Variants in ZBTB20 observed in about 807,000 individuals in gnomAD.
The protein encoded by ZBTB20 is zinc finger and BTB domain-containing protein 20.
Under a neutral mutation model 56.9 loss-of-function variants are expected in ZBTB20, and 9 were observed. The observed-to-expected ratio is 0.16, with a 90% CI of 0.10 to 0.28. The LOEUF (loss-of-function observed/expected upper bound fraction) is 0.28. ZBTB20 is among the 10% of genes least tolerant of loss of function. The pLI, the probability that ZBTB20 is intolerant of heterozygous loss-of-function variation, is 1.00. For missense variants in ZBTB20, 655 were observed against 1,003.0 expected (o/e 0.65, Z 4.69); for synonymous variants, 417 against 420.7 (o/e 0.99, Z 0.11).
At position 114,389,887 on chromosome 3, in the gene ZBTB20, CAA is replaced by C. The variant is rs34247337; in HGVS notation, c.-254-784_-254-783del. Among the ~76,000 whole-genome samples, 255 of 77,600 alleles carry C rather than the reference CAA, an allele frequency of 3.3e-3. 1 individual carries two copies. In the East Asian group the frequency reaches 0.048, roughly 15 times the overall value. The allele number at this position is 77,600 out of a possible 152,430, so 50.9% of individuals were successfully genotyped here. A position where few individuals can be genotyped will look rare whatever the true frequency, so the allele number is the denominator to read the frequency against. ...CTGGCAACAGAGCAAGAGTCCATCTCAAAAAAAAAAAAAAAAAAAAAAGAATT... is the reference window on the plus strand; with the variant it reads ...CTGGCAACAGAGCAAGAGTCCATCTCAAAAAAAAAAAAAAAAAAAAGAATT... On this transcript the variant is annotated intron_variant, in intron 7 of 11. Transcript: ENST00000675478.
intron 6 of ZBTB20, among the ~76,000 whole-genome samples, chr3:114,544,419 TTCTTTCTTTCTTTCTTTC>T (rs1310132367): frequency 1.2e-4 from 3 of 25,346 alleles, no homozygotes; most frequent in Non-Finnish European, 2.1e-4. Context: ...CTTTCTTTCT[TTCTTTCTTTCTTTCTTTC>T]TTTCTTTCTT....
chr3:114,990,723 TC>T (rs1052871823), intron 2 of ZBTB20, among the ~76,000 whole-genome samples: 2 of 152,184 alleles, frequency 1.3e-5, no homozygotes, highest in African/African-American at 4.8e-5. Context: ...CGGCTGTGGA[TC>T]CGTCTGGTCC....
intron 5 of ZBTB20, chr3:114,743,896 T>A (rs1441340920): frequency 6.6e-6 from 1 of 152,222 alleles, no homozygotes; most frequent in Non-Finnish European, 1.5e-5. Context: ...ACAGCCTACA[T>A]TAGTTAGATA....
At chr3:114,810,445 C>G (rs576560035) in intron 4 of ZBTB20, among the ~76,000 whole-genome samples, 3 of 152,260 alleles carry the variant, frequency 2.0e-5, no homozygotes, top group African/African-American at 7.2e-5. Context: ...TGTTCTGCTC[C>G]ATCAAATTAT....
At chr3:115,100,122 G>C (rs373107932) in intron 1 of ZBTB20, 1 of 151,486 alleles carries the variant, frequency 6.6e-6, no homozygotes, top group South Asian at 2.1e-4. Flanking sequence ...GATGACAGAG[G>C]GGGCATTGAG....
At chr3:114,807,006 T>TAA (rs1269487046) in intron 4 of ZBTB20, among the ~76,000 whole-genome samples, 1 of 152,060 alleles carries the variant, frequency 6.6e-6, no homozygotes, top group Admixed American at 6.6e-5. Flanking sequence ...AAGTAAGTTT[T>TAA]AAAACCAGAA....
intron 5 of ZBTB20, among the ~76,000 whole-genome samples, chr3:114,796,660 G>A (rs1162655072): frequency 6.6e-6 from 1 of 151,820 alleles, no homozygotes; most frequent in Non-Finnish European, 1.5e-5. Flanking sequence ...CATCTAGGAT[G>A]TATTAAGAGG....
intron 2 of ZBTB20, among the ~76,000 whole-genome samples, chr3:115,006,123 T>C (rs1283923707): frequency 6.6e-6 from 1 of 151,762 alleles, no homozygotes; most frequent in Non-Finnish European, 1.5e-5. Context: ...TGGATCCTTC[T>C]TATCATTTGA....
At chr3:114,939,059 G>C (rs1406506433) in intron 3 of ZBTB20, among the ~76,000 whole-genome samples, 1 of 145,348 alleles carries the variant, frequency 6.9e-6, no homozygotes, top group Non-Finnish European at 1.5e-5. Flanking sequence ...ATGGTTTCAG[G>C]GTGAATGTTG....
chr3:114,377,633 A>T (rs1490978080), intron 10 of ZBTB20, among the ~76,000 whole-genome samples: 6 of 152,130 alleles, frequency 3.9e-5, no homozygotes, highest in African/African-American at 1.4e-4. Flanking sequence ...GTAGTTGCAC[A>T]TTTTCAAGAT....
chr3:114,838,880 T>C (rs2074244784), intron 4 of ZBTB20, among the ~76,000 whole-genome samples: 1 of 152,136 alleles, frequency 6.6e-6, no homozygotes, highest in Non-Finnish European at 1.5e-5. Flanking sequence ...AGGATGTCTT[T>C]AAACTTATTT....
chr3:114,780,988 T>C lies in ZBTB20; in HGVS notation c.-343+20113A>G, dbSNP rs955826848. Among the ~76,000 whole-genome samples, 8 of 152,172 alleles carry C rather than the reference T, an allele frequency of 5.3e-5. No individual in the cohort carries two copies. In the East Asian group the frequency reaches 9.6e-4, roughly 18 times the overall value. ...CAAGTTGAAGGAAACATAACAACCA[T>C]TGTAAAACTCTATCTTAAAATAAAT... On this transcript the variant is annotated intron_variant, in intron 5 of 11. Coordinates refer to ENST00000675478, the MANE Select transcript of ZBTB20 (RefSeq NM_001348800.3).
intron 5 of ZBTB20, among the ~76,000 whole-genome samples, chr3:114,702,881 G>T (rs2063481442): frequency 6.6e-6 from 1 of 152,128 alleles, no homozygotes. Context: ...ACACTGTAGA[G>T]TATGCCAACT....
intron 6 of ZBTB20, among the ~76,000 whole-genome samples, chr3:114,619,631 C>T (rs937725014): frequency 2.0e-5 from 3 of 151,988 alleles, no homozygotes; most frequent in South Asian, 2.1e-4. Context: ...GAGGCTAGCT[C>T]GACTTGGTGC....
chr3:114,744,918 G>GA (rs936553938), intron 5 of ZBTB20, among the ~76,000 whole-genome samples: 18 of 151,590 alleles, frequency 1.2e-4, no homozygotes, highest in African/African-American at 4.1e-4. Context: ...TTGCATACGT[G>GA]AAAAAAAAGA....
At chr3:115,069,222 A>C (rs1005658296) in intron 2 of ZBTB20, among the ~76,000 whole-genome samples, 1 of 152,184 alleles carries the variant, frequency 6.6e-6, no homozygotes, top group Non-Finnish European at 1.5e-5. Flanking sequence ...GTACAATGCC[A>C]ACTATTAGAA....
intron 5 of ZBTB20, among the ~76,000 whole-genome samples, chr3:114,780,578 C>G (rs1042081387): frequency 7.2e-5 from 11 of 152,110 alleles, no homozygotes; most frequent in Admixed American, 7.2e-4. Flanking sequence ...ACCTCCACCT[C>G]CCGGGTTCAA....
At chr3:115,088,699 T>C (rs1296760139) in intron 1 of ZBTB20, among the ~76,000 whole-genome samples, 2 of 151,896 alleles carry the variant, frequency 1.3e-5, no homozygotes, top group Non-Finnish European at 2.9e-5. Flanking sequence ...TTTTATACTA[T>C]GAGGCATTGT....
At chr3:114,707,292 A>AT (rs889749307) in intron 5 of ZBTB20, among the ~76,000 whole-genome samples, 6 of 152,170 alleles carry the variant, frequency 3.9e-5, no homozygotes, top group South Asian at 4.1e-4. Flanking sequence ...ACTCACAGTC[A>AT]TTTTTGCTAA....
Sources: gnomAD v4.1 joint callset for allele counts (sites outside exome capture counted in the v4.1 genomes callset) on GRCh38, gnomAD v4.1.1 for gene constraint, MANE v1.5 for transcripts, NCBI Gene and HGNC (gene_info 2026-07-23, HGNC 2026-07-21) for gene names.